OSBP2: variants seen among roughly 807,000 people sequenced by gnomAD.
The protein encoded by OSBP2 is oxysterol binding protein 2, also known as oxysterol-binding protein 2.
In OSBP2, 66 loss-of-function variants were observed where a neutral mutation model predicts 96.0. The observed-to-expected ratio is 0.69, with a 90% CI of 0.56 to 0.84. The LOEUF (loss-of-function observed/expected upper bound fraction) is 0.84, where lower values mean the gene tolerates loss of function less well. Among genes scored for constraint, OSBP2 ranks in the 40% least tolerant of loss-of-function variants. The pLI is 0.00. For missense variants in OSBP2, 1,038 were observed against 1,222.7 expected, an observed-to-expected ratio of 0.85 and a Z score of 2.25; for synonymous variants, 525 against 520.9, an observed-to-expected ratio of 1.01 and a Z score of -0.11.
intron 2 of OSBP2, among the ~76,000 whole-genome samples, chr22:30,858,266 C>T (rs1416280412): frequency 1.3e-5 from 2 of 151,202 alleles, no homozygotes; most frequent in South Asian, 2.1e-4. Flanking sequence ...CCTGCCTCAG[C>T]CTCCCCAGTA....
At chr22:30,721,331 G>T (rs2089547309) in intron 1 of OSBP2, among the ~76,000 whole-genome samples, 1 of 152,230 alleles carries the variant, frequency 6.6e-6, no homozygotes, top group African/African-American at 2.4e-5. Flanking sequence ...TGGTTACTGG[G>T]TGCTATGGGG....
chr22:30,807,356 T>G (rs2090942638), intron 2 of OSBP2, among the ~76,000 whole-genome samples: 1 of 152,246 alleles, frequency 6.6e-6, no homozygotes, highest in Non-Finnish European at 1.5e-5. Flanking sequence ...ATTGGGCTCC[T>G]CATTACTGAC....
intron 2 of OSBP2, among the ~76,000 whole-genome samples, chr22:30,833,525 G>T (rs977517367): frequency 2.6e-5 from 4 of 152,118 alleles, no homozygotes; most frequent in African/African-American, 7.2e-5. Context: ...CTGGTTTGAG[G>T]TCCCTCCCTT....
Position 30,905,874 on chromosome 22 carries a change from G to T in OSBP2, c.2413G>T (p.Ala805Ser). 1 of 1,613,466 alleles carries T rather than the reference G, an allele frequency of 6.2e-7. No homozygotes were observed. The highest frequency in any genetic ancestry group is 1.3e-5 in the African/African-American group (1 of 75,058). The part of the protein sequence containing the change: ...AENMYYFSEL[A>S]LTLNEHEEGV... ...GAACATGTACTACTTCTCAGAGCTG[G>T]CCCTGACCCTCAACGAGCACGAGGA... The change falls in exon 13 of 14, where the codon GCC becomes TCC. Residue 805 changes from alanine to serine, a missense_variant. Physicochemically the swap from Ala to Ser is moderately conservative, Grantham distance 99. This residue lies in a region of OSBP2 where 737 missense variants were observed against 913.3 expected (regional missense o/e 0.81). Coordinates refer to ENST00000332585, the MANE Select transcript of OSBP2 (RefSeq NM_030758.4).
At position 30,805,827 on chromosome 22, in the gene OSBP2, A is replaced by G. The variant is rs146611985; in HGVS notation, c.853+64458A>G. 1.6e-3 allele frequency among the ~76,000 whole-genome samples: 251 copies of G among 152,328 alleles called. 1 individual carries two copies. The highest frequency in any genetic ancestry group is 6.8e-3 in the Middle Eastern group (2 of 294). On this transcript the variant is annotated intron_variant, in intron 2 of 13. Transcript: ENST00000332585. ...TGGAGCTTGGGTAAAAGGACAAAGG[A>G]AATGTTCCCTCCAGGAGAATGGAGC...
chr22:30,717,545 A>G (rs1423537045), intron 1 of OSBP2, among the ~76,000 whole-genome samples: 3 of 152,180 alleles, frequency 2.0e-5, no homozygotes, highest in Non-Finnish European at 4.4e-5. Context: ...GGACCTCTAG[A>G]GTCCCTTCTC....
At chr22:30,735,885 G>A (rs1385326492) in intron 1 of OSBP2, among the ~76,000 whole-genome samples, 2 of 151,694 alleles carry the variant, frequency 1.3e-5, no homozygotes, top group African/African-American at 2.4e-5. Context: ...ACCATGCCCA[G>A]CTAATTTTTG....
At chr22:30,773,428 C>T (rs1272164338) in intron 2 of OSBP2, among the ~76,000 whole-genome samples, 1 of 152,110 alleles carries the variant, frequency 6.6e-6, no homozygotes, top group East Asian at 1.9e-4. Context: ...CTATACAACT[C>T]CTTCATAGCA....
At chr22:30,764,831 T>TA (rs2090251004) in intron 2 of OSBP2, among the ~76,000 whole-genome samples, 1 of 152,168 alleles carries the variant, frequency 6.6e-6, no homozygotes, top group Non-Finnish European at 1.5e-5. Context: ...GGCCAGACAG[T>TA]ATAAAGAACT....
intron 1 of OSBP2, among the ~76,000 whole-genome samples, chr22:30,712,924 T>G (rs528519595): frequency 6.6e-6 from 1 of 152,188 alleles, no homozygotes; most frequent in Non-Finnish European, 1.5e-5. Context: ...GTTGTTTTTT[T>G]TGAGATATAG....
chr22:30,798,903 A>G (rs2090804927), intron 2 of OSBP2, among the ~76,000 whole-genome samples: 1 of 151,858 alleles, frequency 6.6e-6, no homozygotes, highest in African/African-American at 2.4e-5. Flanking sequence ...AGTCCCAGCT[A>G]CTTGAGAGGC....
intron 2 of OSBP2, among the ~76,000 whole-genome samples, chr22:30,816,416 C>T (rs1457766172): frequency 1.3e-5 from 2 of 152,136 alleles, no homozygotes; most frequent in East Asian, 3.9e-4. Flanking sequence ...TAATAACTGA[C>T]ATAGCAATAG....
At chr22:30,711,920 C>A (rs1207547088) in intron 1 of OSBP2, among the ~76,000 whole-genome samples, 1 of 151,970 alleles carries the variant, frequency 6.6e-6, no homozygotes, top group Non-Finnish European at 1.5e-5. Context: ...TCTCTGGAGA[C>A]CTGTAGAAAG....
At chr22:30,902,277 C>G in intron 12 of OSBP2, 2 of 1,589,778 alleles carry the variant, frequency 1.3e-6, no homozygotes, top group South Asian at 1.1e-5. Flanking sequence ...GACATAGATG[C>G]TATCTTTAAG....
intron 2 of OSBP2, among the ~76,000 whole-genome samples, chr22:30,799,057 T>TTTCCTTCCTTCC (rs1159820708): frequency 0.016 from 1,963 of 120,280 alleles, 27 homozygotes; most frequent in South Asian, 0.028. Context: ...CATGCAAAGG[T>TTTCCTTCCTTCC]TTCCTTCCTT....
At chr22:30,818,261 G>C (rs1278729108) in intron 2 of OSBP2, among the ~76,000 whole-genome samples, 1 of 151,894 alleles carries the variant, frequency 6.6e-6, no homozygotes, top group East Asian at 1.9e-4. Flanking sequence ...TGTGTTGTGT[G>C]ATTTGCTCTT....
chr22:30,767,980 T>C (rs1200156268), intron 2 of OSBP2, among the ~76,000 whole-genome samples: 1 of 152,176 alleles, frequency 6.6e-6, no homozygotes, highest in Non-Finnish European at 1.5e-5. Context: ...AGGAAAATGA[T>C]GGTCTTATTC....
Position 30,906,246 on chromosome 22 carries a change from T to C in OSBP2, c.2658T>C (p.Asp886=), listed in dbSNP as rs3804085. 556,981 of 1,613,854 alleles carry C rather than the reference T, an allele frequency of 0.35. 101,092 individuals carry two copies. The highest frequency in any genetic ancestry group is 0.63 in the East Asian group (28,367 of 44,856). Residue 886 remains aspartate (D), a synonymous_variant, in exon 14 of 14, where the codon GAT becomes GAC. Transcript: ENST00000332585. ...YTPLWFEKRL[D]PLTGEMACVY... The stretch of plus-strand genomic sequence containing the variant: ...CACTGTGGTTTGAGAAGAGGCTGGA[T>C]CCGCTGACCGGGGAGATGGCCTGTG...
At chr22:30,860,200 C>T (rs2039181840) in intron 2 of OSBP2, among the ~76,000 whole-genome samples, 1 of 152,074 alleles carries the variant, frequency 6.6e-6, no homozygotes, top group African/African-American at 2.4e-5. Flanking sequence ...CCCAAGTTAC[C>T]AGTCAGTCCC....
Sources: allele counts gnomAD v4.1 joint callset (sites outside exome capture counted in the v4.1 genomes callset), GRCh38; gene constraint gnomAD v4.1.1; regional missense constraint gnomAD v4.1.1; transcripts MANE v1.5; gene names NCBI Gene and HGNC (gene_info 2026-07-23, HGNC 2026-07-21).